ZNF783: variants seen among roughly 807,000 people sequenced by gnomAD.
ZNF783 encodes zinc finger protein 783.
A neutral mutation model predicts 31.3 loss-of-function variants in ZNF783; 25 were observed. That is an observed-to-expected ratio of 0.80 (90% CI 0.58 to 1.11). The LOEUF is 1.11. Ranked by LOEUF, ZNF783 falls within the 50% of genes most tolerant of loss-of-function variation. The pLI is 0.00. For missense variants in ZNF783, 797 were observed against 760.0 expected (o/e 1.05, Z -0.57); for synonymous variants, 369 against 319.1 (o/e 1.16, Z -1.66).
At chr7:149,268,087 A>G (rs990663486) in intron 4 of ZNF783, among the ~76,000 whole-genome samples, 2 of 152,232 alleles carry the variant, frequency 1.3e-5, no homozygotes, top group African/African-American at 4.8e-5. Flanking sequence ...TTAAATTTTA[A>G]TAAAGTAGAA....
rs1269880849 is a variant in ZNF783 at position 149,267,164 on chromosome 7, G to A, written c.615G>A (p.Arg205=). 6.3e-7 allele frequency: 1 copy of A among 1,599,440 alleles called. No individual in the cohort carries two copies. The highest frequency in any genetic ancestry group is 2.2e-5 in the East Asian group (1 of 44,874). The change falls in exon 4 of 6, where the codon CGG becomes CGA. Residue 205 remains arginine (R), a synonymous_variant. Coordinates refer to ENST00000434415, the MANE Select transcript of ZNF783 (RefSeq NM_001195220.2). Reference sequence around the variant, plus strand: ...GGGGAGAGGAGCCTTGTCTTGACCGGTGGGGCCAGGAGAAGGGGAATGAAG... The same window carrying A: ...GGGGAGAGGAGCCTTGTCTTGACCGATGGGGCCAGGAGAAGGGGAATGAAG... The part of the protein sequence containing the change: ...IERGEEPCLD[R]WGQEKGNEVE...
chr7:149,263,265 CGTGT>C (rs56067256), intron 1 of ZNF783, among the ~76,000 whole-genome samples: 10,701 of 121,092 alleles, frequency 0.088, 478 homozygotes, highest in African/African-American at 0.12. Context: ...TATATATATA[CGTGT>C]GTGTGTGTGT....
intron 1 of ZNF783, among the ~76,000 whole-genome samples, chr7:149,262,627 C>T (rs1796953800): frequency 6.6e-6 from 1 of 152,180 alleles, no homozygotes; most frequent in Non-Finnish European, 1.5e-5. Context: ...GAGTCACGCT[C>T]GGCGACGAGG....
intron 5 of ZNF783, among the ~76,000 whole-genome samples, chr7:149,280,361 G>A (rs774765203): frequency 3.9e-5 from 6 of 152,144 alleles, no homozygotes; most frequent in African/African-American, 9.7e-5. Context: ...GAAGAAGGGC[G>A]GAGGCACCTG....
At chr7:149,276,274 C>G (rs1244942835) in intron 4 of ZNF783, 1 of 879,516 alleles carries the variant, frequency 1.1e-6, no homozygotes, top group Non-Finnish European at 1.4e-6. Context: ...TTTTTTGAGG[C>G]TTCATCCTGC....
chr7:149,263,265 CGTGTGTGTGTGTGTGTGTGT>C (rs56067256), intron 1 of ZNF783, among the ~76,000 whole-genome samples: 7 of 121,400 alleles, frequency 5.8e-5, no homozygotes, highest in South Asian at 2.8e-4. Context: ...TATATATATA[CGTGTGTGTGTGTGTGTGTGT>C]GTGTGTGTGT....
intron 5 of ZNF783, among the ~76,000 whole-genome samples, chr7:149,279,941 A>G (rs1216175954): frequency 6.6e-6 from 1 of 152,100 alleles, no homozygotes; most frequent in Non-Finnish European, 1.5e-5. Context: ...TATTCCACAA[A>G]ACCGCCATTG....
chr7:149,273,135 T>C (rs1319706423), intron 4 of ZNF783, among the ~76,000 whole-genome samples: 1 of 152,244 alleles, frequency 6.6e-6, no homozygotes, highest in African/African-American at 2.4e-5. Flanking sequence ...CCACCTTTTC[T>C]CTGTCCATTT....
chr7:149,282,957 G>GTTTTTTTTTTTTTTTTT lies in ZNF783; in HGVS notation c.*624_*625insTTTTTTTTTTTTTTTTT, dbSNP rs57927274. Reference sequence around the variant, plus strand: ...CGTCCACCAGCCTGTGGGTCTTTTGGTTTTTTTTTTGTTGTTGTTGTTGTT... The same window carrying GTTTTTTTTTTTTTTTTT: ...CGTCCACCAGCCTGTGGGTCTTTTGGTTTTTTTTTTTTTTTTTTTTTTTTTTTGTTGTTGTTGTTGTT... On this transcript the variant is annotated 3_prime_UTR_variant, in exon 6 of 6. Coordinates refer to ENST00000434415, the MANE Select transcript of ZNF783 (RefSeq NM_001195220.2). The GTTTTTTTTTTTTTTTTT allele has an allele frequency of 2.2e-5, 3 of 134,412 alleles. No homozygotes were observed. Among genetic ancestry groups the GTTTTTTTTTTTTTTTTT allele is most frequent in the East Asian group, 2.2e-4 (1 of 4,648 alleles). 8.3% of individuals were successfully genotyped at this position (134,412 alleles called of 1,614,324 possible).
intron 4 of ZNF783, among the ~76,000 whole-genome samples, chr7:149,269,543 A>G (rs1049455362): frequency 6.6e-6 from 1 of 152,222 alleles, no homozygotes; most frequent in Non-Finnish European, 1.5e-5. Context: ...TAGAATTTTT[A>G]TAATTTGAGG....
chr7:149,279,961 C>CCCGTTCTCAATGAGCTGTTGGGTACACCT (rs1797423664), intron 5 of ZNF783, among the ~76,000 whole-genome samples: 1 of 152,206 alleles, frequency 6.6e-6, no homozygotes, highest in African/African-American at 2.4e-5. Flanking sequence ...GTCATCCCGG[C>CCCGTTCTCAATGAGCTGTTGGGTACACCT]CCGTTCTCAA....
At chr7:149,272,835 T>A (rs1008123517) in intron 4 of ZNF783, among the ~76,000 whole-genome samples, 4 of 152,236 alleles carry the variant, frequency 2.6e-5, no homozygotes, top group African/African-American at 9.7e-5. Flanking sequence ...TAGATCTTAT[T>A]CATTCTATTT....
chr7:149,273,126 C>T (rs974022302), intron 4 of ZNF783, among the ~76,000 whole-genome samples: 3 of 151,460 alleles, frequency 2.0e-5, no homozygotes, highest in Non-Finnish European at 4.4e-5. Context: ...GTATATGTAC[C>T]ACCTTTTCTC....
chr7:149,270,539 C>CT (rs996407992), intron 4 of ZNF783, among the ~76,000 whole-genome samples: 4 of 152,102 alleles, frequency 2.6e-5, no homozygotes, highest in Admixed American at 2.0e-4. Flanking sequence ...ACTTGGGCTT[C>CT]TTTTTTTTCC....
At position 149,266,927 on chromosome 7, in the gene ZNF783, G is replaced by C. The variant is rs773378559; in HGVS notation, c.529G>C (p.Glu177Gln). Residue 177 changes from glutamate to glutamine, a missense_variant, in exon 3 of 6, where the codon GAG becomes CAG. By Grantham distance (29) the Glu-to-Gln change is conservative. Transcript: ENST00000434415. Reference sequence around the variant, plus strand: ...CAAGCACGTGATGAGGGGCAACTACGAGACGCTGGTCTCCCTGGGTAAGGC... The same window carrying C: ...CAAGCACGTGATGAGGGGCAACTACCAGACGCTGGTCTCCCTGGGTAAGGC... ...LYKHVMRGNYETLVSLDYAIS... is the reference protein window; with the variant it reads ...LYKHVMRGNYQTLVSLDYAIS... 6.2e-7 allele frequency: 1 copy of C among 1,614,134 alleles called. No individual in the cohort carries two copies. The highest frequency in any genetic ancestry group is 1.7e-5 in the Admixed American group (1 of 60,024).
intron 4 of ZNF783, chr7:149,278,055 G>A (rs1797374577): frequency 1.5e-6 from 1 of 650,472 alleles, no homozygotes; most frequent in Non-Finnish European, 2.1e-6. Flanking sequence ...GGAGGAGGAG[G>A]CCCGACTGCG....
intron 4 of ZNF783, among the ~76,000 whole-genome samples, chr7:149,268,204 A>G (rs1226592448): frequency 6.6e-6 from 1 of 152,196 alleles, no homozygotes; most frequent in Non-Finnish European, 1.5e-5. Context: ...AACAATGACC[A>G]CATACCATGA....
Position 149,266,625 on chromosome 7 carries a change from G to A in ZNF783, c.315G>A (p.Glu105=), listed in dbSNP as rs1563194275. The A allele has an allele frequency of 6.2e-7, 1 of 1,614,202 alleles. No individual in the cohort carries two copies. Among genetic ancestry groups the A allele is most frequent in the African/African-American group, 1.3e-5 (1 of 75,054 alleles). Residue 105 remains glutamate, a synonymous_variant, in exon 2 of 6, where the codon GAG becomes GAA. Transcript: ENST00000434415. ...KWAVLGTLLQ[E]YGLLQRRLEN... ...CCGTGCTGGGGACCTTGCTGCAGGA[G>A]TACGGGCTGCTGCAGAGGCGGCTGG...
At position 149,282,481 on chromosome 7, in the gene ZNF783, T is replaced by G. The variant is rs914751523; in HGVS notation, c.*138T>G. 9 of 759,372 alleles carry G rather than the reference T, an allele frequency of 1.2e-5. No homozygotes were observed. Among genetic ancestry groups the G allele is most frequent in the Non-Finnish European group, 1.6e-5 (8 of 492,384 alleles). 47.0% of individuals were successfully genotyped at this position (759,372 alleles called of 1,614,324 possible). ...GAAGCTAGCTGCCCTTCTGGTGACA[T>G]TGTGTGTGACCGGGTGCTTTCTGTT... On this transcript the variant is annotated 3_prime_UTR_variant, in exon 6 of 6. Coordinates refer to ENST00000434415, the MANE Select transcript of ZNF783 (RefSeq NM_001195220.2).
Sources: allele counts gnomAD v4.1 joint callset (sites outside exome capture counted in the v4.1 genomes callset), GRCh38; gene constraint gnomAD v4.1.1; transcripts MANE v1.5; gene names NCBI Gene and HGNC (gene_info 2026-07-23, HGNC 2026-07-21).